The following OSBPL6 variants were observed in gnomAD, a reference collection of about 807,000 sequenced individuals.
The protein encoded by OSBPL6 is oxysterol binding protein like 6, also known as oxysterol-binding protein-related protein 6.
A neutral mutation model predicts 125.8 loss-of-function variants in OSBPL6; 49 were observed. The ratio of observed to expected loss-of-function variants is 0.39; its 90% CI spans 0.31 to 0.49. The LOEUF (loss-of-function observed/expected upper bound fraction) is 0.49. OSBPL6 is among the 20% of genes least tolerant of loss of function. OSBPL6 has a pLI of 0.88. For missense variants in OSBPL6, 986 were observed against 1,135.4 expected (o/e 0.87, Z 1.89); for synonymous variants, 394 against 391.8 (o/e 1.01, Z -0.07).
chr2:178,298,158 C>G (rs1309539097), intron 2 of OSBPL6, among the ~76,000 whole-genome samples: 5 of 152,180 alleles, frequency 3.3e-5, no homozygotes, highest in African/African-American at 9.7e-5. Flanking sequence ...GCTTATTTCA[C>G]TTTAAAATGA....
intron 1 of OSBPL6, among the ~76,000 whole-genome samples, chr2:178,231,785 T>G (rs2090833058): frequency 6.6e-6 from 1 of 151,884 alleles, no homozygotes; most frequent in South Asian, 2.1e-4. Flanking sequence ...TAGCTGAGAC[T>G]ATAGAAGTGC....
chr2:178,326,033 C>G (rs890926043), intron 4 of OSBPL6, among the ~76,000 whole-genome samples: 4 of 152,094 alleles, frequency 2.6e-5, no homozygotes, highest in Non-Finnish European at 2.9e-5. Flanking sequence ...CATATCTAAC[C>G]CAGGTACCAT....
At chr2:178,291,494 T>C (rs562957526) in intron 2 of OSBPL6, among the ~76,000 whole-genome samples, 1 of 152,310 alleles carries the variant, frequency 6.6e-6, no homozygotes, top group South Asian at 2.1e-4. Context: ...TGCTTCTTCT[T>C]TTTATTGCTT....
chr2:178,261,656 T>C (rs550652417), intron 1 of OSBPL6, among the ~76,000 whole-genome samples: 5 of 152,318 alleles, frequency 3.3e-5, no homozygotes, highest in African/African-American at 1.2e-4. Context: ...ACGCAAATAT[T>C]ATTAGTTACT....
At chr2:178,371,513 G>T (rs1216668529) in intron 13 of OSBPL6, among the ~76,000 whole-genome samples, 8 of 152,150 alleles carry the variant, frequency 5.3e-5, no homozygotes, top group Non-Finnish European at 1.2e-4. Flanking sequence ...TGTTATGGTT[G>T]TCAGTGTCTA....
intron 24 of OSBPL6, among the ~76,000 whole-genome samples, chr2:178,394,833 T>C (rs1695707755): frequency 6.6e-6 from 1 of 152,226 alleles, no homozygotes; most frequent in African/African-American, 2.4e-5. Flanking sequence ...TGTTTAGATT[T>C]GGTCTCTCTG....
At chr2:178,371,705 C>T (rs1693403625) in intron 13 of OSBPL6, among the ~76,000 whole-genome samples, 1 of 151,960 alleles carries the variant, frequency 6.6e-6, no homozygotes, top group African/African-American at 2.4e-5. Flanking sequence ...AGATAACTAC[C>T]CAGCTTTGAA....
At chr2:178,285,375 T>G (rs1684600508) in intron 2 of OSBPL6, among the ~76,000 whole-genome samples, 1 of 152,188 alleles carries the variant, frequency 6.6e-6, no homozygotes, top group Admixed American at 6.5e-5. Context: ...TAGTCTGGCA[T>G]CATGTGGAAA....
chr2:178,382,561 C>T (rs559517872), intron 16 of OSBPL6, 54 bp downstream of exon 16: 24 of 1,610,358 alleles, frequency 1.5e-5, no homozygotes, highest in Middle Eastern at 3.3e-4. Flanking sequence ...AATTGCAACA[C>T]GAAGACTTAA....
intron 18 of OSBPL6, 71 bp downstream of exon 18, chr2:178,384,247 C>A: frequency 6.5e-7 from 1 of 1,538,534 alleles, no homozygotes; most frequent in Non-Finnish European, 8.9e-7. Context: ...AGCACCATTT[C>A]GATAACAATC....
At position 178,259,280 on chromosome 2, in the gene OSBPL6, CTT is replaced by C. The variant is rs372243622; in HGVS notation, c.-350-25645_-350-25644del. ...AATGAGTGACAGAAAGCATATATGT[CTT>C]TGGAGGTCTTTTGATCAAATTCCGT... is the stretch of plus-strand genomic sequence containing the variant. On this transcript the variant is annotated intron_variant, in intron 1 of 24. Coordinates refer to ENST00000190611, the MANE Select transcript of OSBPL6 (RefSeq NM_032523.4). Among the ~76,000 whole-genome samples the C allele has an allele frequency of 4.2e-3, 645 of 152,208 alleles. 3 individuals are homozygous for C. Among genetic ancestry groups the C allele is most frequent in the African/African-American group, 0.015 (628 of 41,540 alleles).
chr2:178,239,701 C>T (rs1174751678), intron 1 of OSBPL6, among the ~76,000 whole-genome samples: 3 of 150,980 alleles, frequency 2.0e-5, no homozygotes, highest in Non-Finnish European at 4.4e-5. Context: ...TCTCGGCTCA[C>T]TGCAAGCTCT....
intron 11 of OSBPL6, among the ~76,000 whole-genome samples, chr2:178,346,607 A>T (rs1359523680): frequency 1.3e-5 from 2 of 152,148 alleles, no homozygotes; most frequent in African/African-American, 4.8e-5. Context: ...GAAAGGCCCA[A>T]ATTGAGTGTT....
chr2:178,244,741 T>C (rs2091429947), intron 1 of OSBPL6, among the ~76,000 whole-genome samples: 1 of 152,240 alleles, frequency 6.6e-6, no homozygotes, highest in Non-Finnish European at 1.5e-5. Flanking sequence ...AACAATTTAA[T>C]TTGAAATCAC....
intron 1 of OSBPL6, among the ~76,000 whole-genome samples, chr2:178,197,424 G>A (rs960442316): frequency 1.3e-5 from 2 of 152,010 alleles, no homozygotes; most frequent in East Asian, 3.9e-4. Context: ...CTAGTCCTTG[G>A]GTTTCATGGT....
intron 1 of OSBPL6, among the ~76,000 whole-genome samples, chr2:178,220,254 G>C (rs2090279462): frequency 6.6e-6 from 1 of 152,072 alleles, no homozygotes; most frequent in South Asian, 2.1e-4. Flanking sequence ...CCCCACCCCT[G>C]CCTTTTTTTA....
At chr2:178,239,104 A>C (rs898618779) in intron 1 of OSBPL6, among the ~76,000 whole-genome samples, 1 of 152,196 alleles carries the variant, frequency 6.6e-6, no homozygotes, top group Admixed American at 6.5e-5. Flanking sequence ...TAATGGTATC[A>C]CAGTCCTTTA....
At chr2:178,232,853 G>A (rs1329183717) in intron 1 of OSBPL6, among the ~76,000 whole-genome samples, 1 of 152,036 alleles carries the variant, frequency 6.6e-6, no homozygotes, top group African/African-American at 2.4e-5. Context: ...GTGTAGTGGG[G>A]GTAGGACCTG....
intron 2 of OSBPL6, among the ~76,000 whole-genome samples, chr2:178,288,903 G>A (rs1684966730): frequency 6.6e-6 from 1 of 151,914 alleles, no homozygotes; most frequent in Non-Finnish European, 1.5e-5. Context: ...ACCCGCCTTG[G>A]CCTCCTGAAG....
Sources: gnomAD v4.1 joint callset for allele counts (sites outside exome capture counted in the v4.1 genomes callset) on GRCh38, gnomAD v4.1.1 for gene constraint, MANE v1.5 for transcripts, NCBI Gene and HGNC (gene_info 2026-07-23, HGNC 2026-07-21) for gene names.